Variants in CTNNA3 observed in about 807,000 individuals in gnomAD.
CTNNA3 encodes catenin alpha 3.
A neutral mutation model predicts 95.7 loss-of-function variants in CTNNA3; 76 were observed. The observed-to-expected ratio is 0.79, with a 90% confidence interval of 0.66 to 0.96. The LOEUF (loss-of-function observed/expected upper bound fraction) is 0.96. CTNNA3 is among the 40% of genes least tolerant of loss of function. The probability of loss-of-function intolerance (pLI) is 0.00; values close to 1 mark genes in which losing one functional copy is unlikely to be tolerated. For synonymous variants in CTNNA3, 431 were observed against 374.4 expected, an observed-to-expected ratio of 1.15 and a Z score of -1.74; for missense variants, 1,191 against 1,089.8, an observed-to-expected ratio of 1.09 and a Z score of -1.31.
intron 5 of CTNNA3, among the ~76,000 whole-genome samples, chr10:67,232,632 A>C (rs1164733300): frequency 3.3e-5 from 5 of 151,878 alleles, no homozygotes; most frequent in Non-Finnish European, 7.4e-5. Context: ...CTAACATCAT[A>C]ATGACAGGAT....
At chr10:66,305,532 G>A (rs2091921086) in intron 12 of CTNNA3, among the ~76,000 whole-genome samples, 1 of 152,056 alleles carries the variant, frequency 6.6e-6, no homozygotes, top group African/African-American at 2.4e-5. Context: ...AATATAATTA[G>A]CACAAGGAGT....
At chr10:66,431,689 T>C (rs7894596) in intron 11 of CTNNA3, among the ~76,000 whole-genome samples, 17,600 of 141,658 alleles carry the variant, frequency 0.12, 1,505 homozygotes, top group African/African-American at 0.26. Flanking sequence ...CAGGTGGGAA[T>C]TGAACAATGA....
intron 16 of CTNNA3, among the ~76,000 whole-genome samples, chr10:65,976,014 A>T (rs543277998): frequency 6.6e-6 from 1 of 152,220 alleles, no homozygotes; most frequent in African/African-American, 2.4e-5. Context: ...CCACAGTTTC[A>T]TGAGGTAAGT....
intron 10 of CTNNA3, among the ~76,000 whole-genome samples, chr10:66,589,546 C>T (rs1843475942): frequency 6.6e-6 from 1 of 152,106 alleles, no homozygotes; most frequent in Admixed American, 6.6e-5. Flanking sequence ...CAAGGAGCTT[C>T]CCCTCCCTTG....
intron 5 of CTNNA3, among the ~76,000 whole-genome samples, chr10:67,291,990 C>T (rs1839855024): frequency 6.6e-6 from 1 of 152,172 alleles, no homozygotes; most frequent in South Asian, 2.1e-4. Flanking sequence ...AACAGCCATA[C>T]TCAAATAAGA....
chr10:66,738,170 C>G (rs138534783), intron 9 of CTNNA3, among the ~76,000 whole-genome samples: 2 of 152,208 alleles, frequency 1.3e-5, no homozygotes, highest in Non-Finnish European at 2.9e-5. Flanking sequence ...TCTTTTTGGT[C>G]AGTTTGTTTT....
intron 5 of CTNNA3, among the ~76,000 whole-genome samples, chr10:67,450,687 C>T (rs544502523): frequency 1.3e-5 from 2 of 151,924 alleles, no homozygotes; most frequent in Admixed American, 6.6e-5. Context: ...GGGTACTAGG[C>T]TTAATACCTG....
chr10:65,985,837 T>C (rs1157181569), intron 16 of CTNNA3, among the ~76,000 whole-genome samples: 1 of 151,546 alleles, frequency 6.6e-6, no homozygotes, highest in Non-Finnish European at 1.5e-5. Context: ...AGTCTAATTG[T>C]CCTAGTTTAT....
chr10:65,936,421 G>C (rs146801530), intron 17 of CTNNA3, among the ~76,000 whole-genome samples: 19 of 152,120 alleles, frequency 1.2e-4, no homozygotes, highest in African/African-American at 4.1e-4. Context: ...GTAGACTCTT[G>C]ATGGCATCAA....
At chr10:66,617,884 T>C (rs1009122847) in intron 10 of CTNNA3, among the ~76,000 whole-genome samples, 2 of 150,998 alleles carry the variant, frequency 1.3e-5, no homozygotes, top group African/African-American at 4.9e-5. Flanking sequence ...AAAACCAATG[T>C]ACAAAAATCA....
chr10:66,331,717 G>A lies in CTNNA3; in HGVS notation c.1732+47435C>T, dbSNP rs564085958. ...TTGGTTACTGTAGCCTTGTAGTATA[G>A]TTTGAAGTCAGGTAGCGTGATGCCT... On this transcript the variant is annotated intron_variant, in intron 12 of 17. Transcript: ENST00000433211. Among the ~76,000 whole-genome samples, 215 of 152,098 alleles carry A rather than the reference G, an allele frequency of 1.4e-3. 3 individuals are homozygous for A. The highest frequency in any genetic ancestry group is 5.1e-3 in the African/African-American group (210 of 41,510).
chr10:67,059,458 C>T (rs932428915), intron 7 of CTNNA3, among the ~76,000 whole-genome samples: 3 of 152,096 alleles, frequency 2.0e-5, no homozygotes, highest in Non-Finnish European at 2.9e-5. Flanking sequence ...TTGTAAGAGA[C>T]ACTCGATGGC....
At chr10:66,800,453 T>C (rs779984272) in intron 7 of CTNNA3, among the ~76,000 whole-genome samples, 1 of 151,036 alleles carries the variant, frequency 6.6e-6, no homozygotes, top group Non-Finnish European at 1.5e-5. Flanking sequence ...GCAGCAGAAT[T>C]GAAAAATTCA....
rs568241134 is a variant in CTNNA3 at position 65,956,753 on chromosome 10, C to T, written c.2400+9859G>A. Reference sequence around the variant, plus strand: ...TTTGATTGCACTGTGGTCTGAGAGACAGTTTGCTATAATTTCTGTTCTTTT... The same window carrying T: ...TTTGATTGCACTGTGGTCTGAGAGATAGTTTGCTATAATTTCTGTTCTTTT... On this transcript the variant is annotated intron_variant, in intron 17 of 17. Coordinates refer to ENST00000433211, the MANE Select transcript of CTNNA3 (RefSeq NM_013266.4). Among the ~76,000 whole-genome samples, 8 of 152,250 alleles carry T rather than the reference C, an allele frequency of 5.3e-5. No individual in the cohort carries two copies. The East Asian group carries it at 1.4e-3, about 26-fold the overall frequency.
At chr10:66,452,452 C>G (rs2093470672) in intron 11 of CTNNA3, among the ~76,000 whole-genome samples, 2 of 152,112 alleles carry the variant, frequency 1.3e-5, no homozygotes, top group Non-Finnish European at 2.9e-5. Context: ...CTTCTAACCC[C>G]CAAGCTGCCC....
At chr10:67,684,039 A>G (rs910649656) in intron 1 of CTNNA3, among the ~76,000 whole-genome samples, 1 of 152,254 alleles carries the variant, frequency 6.6e-6, no homozygotes, top group Admixed American at 6.5e-5. Flanking sequence ...CACAGCATGG[A>G]AGGGGACCTG....
rs557348560 is a variant in CTNNA3, at chr10:66,655,220, T to C, written c.1282-33436A>G. 1.3e-5 allele frequency among the ~76,000 whole-genome samples: 2 copies of C among 152,222 alleles called. 1 individual carries two copies. The highest frequency in any genetic ancestry group is 4.1e-4 in the South Asian group (2 of 4,828). ...AATAAACACAATTTTATTTGTCATT[T>C]AAAAAATTACTTAAGGTTTAGAAAG... On this transcript the variant is annotated intron_variant, in intron 9 of 17. Coordinates refer to ENST00000433211, the MANE Select transcript of CTNNA3 (RefSeq NM_013266.4).
chr10:67,186,355 C>T (rs906137283), intron 6 of CTNNA3, among the ~76,000 whole-genome samples: 2 of 152,174 alleles, frequency 1.3e-5, no homozygotes, highest in African/African-American at 4.8e-5. Context: ...CTAGCTTCTG[C>T]TCTACAGGTT....
intron 14 of CTNNA3, among the ~76,000 whole-genome samples, chr10:66,092,952 A>G (rs1407496025): frequency 6.6e-6 from 1 of 152,006 alleles, no homozygotes; most frequent in African/African-American, 2.4e-5. Context: ...TAAAAATTAT[A>G]TACTAAGCAA....
Sources: gnomAD v4.1 joint callset for allele counts (sites outside exome capture counted in the v4.1 genomes callset) on GRCh38, gnomAD v4.1.1 for gene constraint, MANE v1.5 for transcripts, NCBI Gene and HGNC (gene_info 2026-07-23, HGNC 2026-07-21) for gene names.